The following NCOA3 variants were observed in gnomAD, a reference collection of about 807,000 sequenced individuals.
NCOA3 encodes nuclear receptor coactivator 3.
In NCOA3, 51 loss-of-function variants were observed where a neutral mutation model predicts 158.8. That is an observed-to-expected ratio of 0.32 (90% CI 0.26 to 0.41). The LOEUF is 0.41. Among genes scored for constraint, NCOA3 ranks in the 10% least tolerant of loss-of-function variants. The pLI is 1.00. For missense variants in NCOA3, 1,510 were observed against 1,746.6 expected, an observed-to-expected ratio of 0.86 and a Z score of 2.41; for synonymous variants, 537 against 592.4, an observed-to-expected ratio of 0.91 and a Z score of 1.36.
At chr20:47,533,762 A>G (rs1334715408) in intron 1 of NCOA3, among the ~76,000 whole-genome samples, 1 of 152,058 alleles carries the variant, frequency 6.6e-6, no homozygotes, top group Non-Finnish European at 1.5e-5. Flanking sequence ...CTATCTCTAC[A>G]AAAAATGCAG....
At position 47,553,914 on chromosome 20, in the gene NCOA3, A is replaced by T. The variant is rs992934194; in HGVS notation, c.-98-29269A>T. On this transcript the variant is annotated intron_variant, in intron 1 of 22. Coordinates refer to ENST00000371998, the MANE Select transcript of NCOA3 (RefSeq NM_181659.3). ...TTTATAATCCTTTGGGTATATGCCC[A>T]GTAATGGGATGGCTGGGTCAAATGG... Among the ~76,000 whole-genome samples the T allele has an allele frequency of 3.1e-3, 465 of 152,310 alleles. 1 individual carries two copies. Among genetic ancestry groups the T allele is most frequent in the Non-Finnish European group, 4.8e-3 (326 of 68,024 alleles).
intron 1 of NCOA3, among the ~76,000 whole-genome samples, chr20:47,503,066 A>T (rs2083967232): frequency 6.6e-6 from 1 of 152,188 alleles, no homozygotes; most frequent in Non-Finnish European, 1.5e-5. Context: ...GTAAAGAAAC[A>T]GGAAGGAGAG....
chr20:47,537,069 A>G (rs1369685597), intron 1 of NCOA3, among the ~76,000 whole-genome samples: 1 of 151,810 alleles, frequency 6.6e-6, no homozygotes, highest in Admixed American at 6.6e-5. Flanking sequence ...TCGGCCTCCT[A>G]AAGTGCTGGG....
At chr20:47,523,793 G>A (rs2084382778) in intron 1 of NCOA3, among the ~76,000 whole-genome samples, 1 of 152,162 alleles carries the variant, frequency 6.6e-6, no homozygotes, top group Non-Finnish European at 1.5e-5. Flanking sequence ...TATTATCCCT[G>A]CTATAAGGAT....
intron 2 of NCOA3, among the ~76,000 whole-genome samples, chr20:47,609,116 G>T: frequency 6.6e-6 from 1 of 152,194 alleles, no homozygotes; most frequent in Middle Eastern, 3.4e-3. Context: ...AAATAAAGAC[G>T]TTTTGTAGCA....
intron 4 of NCOA3, 132 bp from the exon 5 acceptor site, chr20:47,625,249 T>C (rs1256014848): frequency 3.3e-6 from 2 of 611,998 alleles, no homozygotes; most frequent in East Asian, 2.8e-5. Context: ...CATTCTCTTA[T>C]GAGGAAATGT....
intron 2 of NCOA3, among the ~76,000 whole-genome samples, chr20:47,618,830 C>T (rs1360680824): frequency 2.0e-5 from 3 of 152,206 alleles, no homozygotes; most frequent in Non-Finnish European, 4.4e-5. Context: ...TGCACATAAA[C>T]ATTGGCTTAA....
At chr20:47,579,750 T>G (rs2085423149) in intron 1 of NCOA3, among the ~76,000 whole-genome samples, 1 of 152,256 alleles carries the variant, frequency 6.6e-6, no homozygotes, top group African/African-American at 2.4e-5. Context: ...TCTATTTTTC[T>G]GTGTATGCAA....
rs2086854074 is a variant in NCOA3 at position 47,655,229 on chromosome 20, G to GA, written c.*1817dup. The GA allele has an allele frequency of 6.6e-6, 1 of 152,120 alleles. No individual in the cohort carries two copies. Among genetic ancestry groups the GA allele is most frequent in the South Asian group, 2.1e-4 (1 of 4,820 alleles). 9.4% of individuals were successfully genotyped at this position (152,120 alleles called of 1,614,324 possible). A position where few individuals can be genotyped will look rare whatever the true frequency, so the allele number is the denominator to read the frequency against. Reference sequence around the variant, plus strand: ...CTGTTTTAGTCAGTTGGGAGGAAGGGAAAAATCAAGTTTAATTCCCTTTAT... The same window carrying GA: ...CTGTTTTAGTCAGTTGGGAGGAAGGGAAAAAATCAAGTTTAATTCCCTTTAT... On this transcript the variant is annotated 3_prime_UTR_variant, in exon 23 of 23. Transcript: ENST00000371998.
chr20:47,631,049 A>G (rs768792248), intron 8 of NCOA3: 2 of 152,212 alleles, frequency 1.3e-5, no homozygotes, highest in African/African-American at 2.4e-5. Flanking sequence ...AAGATTACTG[A>G]GGATGTCCAG....
Position 47,505,211 on chromosome 20 carries a change from A to G in NCOA3, c.-99+3192A>G, listed in dbSNP as rs2084013513. On this transcript the variant is annotated intron_variant, in intron 1 of 22. Coordinates refer to ENST00000371998, the MANE Select transcript of NCOA3 (RefSeq NM_181659.3). ...CAAGTAGCTGGGATTACAGGTGCGC[A>G]CCACCACGCCCGGCTATTTTTGTAT... is the stretch of plus-strand genomic sequence containing the variant. Among the ~76,000 whole-genome samples, 3 of 150,186 alleles carry G rather than the reference A, an allele frequency of 2.0e-5. No individual in the cohort carries two copies. In the South Asian group the frequency reaches 6.4e-4, roughly 32 times the overall value.
rs545375540 is a variant in NCOA3 at position 47,653,368 on chromosome 20, A to ATTTTT, written c.4264-20_4264-16dup. The ATTTTT allele has an allele frequency of 1.5e-4, 208 of 1,389,622 alleles. 2 individuals are homozygous for ATTTTT. The highest frequency in any genetic ancestry group is 4.9e-4 in the South Asian group (36 of 74,038). 86.1% of individuals were successfully genotyped at this position (1,389,622 alleles called of 1,614,324 possible). On this transcript the variant is annotated intron_variant, in intron 22 of 22. Coordinates refer to ENST00000371998, the MANE Select transcript of NCOA3 (RefSeq NM_181659.3). ...GTTGTGCAAAGCATGTGTTTTACTC[A>ATTTTT]TTTTTTTTTTTTTTTTTTTTTTCCT... is the stretch of plus-strand genomic sequence containing the variant.
At chr20:47,514,489 G>C (rs1378949480) in intron 1 of NCOA3, among the ~76,000 whole-genome samples, 2 of 152,000 alleles carry the variant, frequency 1.3e-5, no homozygotes, top group Non-Finnish European at 2.9e-5. Context: ...CCAGGTTCAA[G>C]CGATTCTCAT....
At position 47,636,765 on chromosome 20, in the gene NCOA3, A is replaced by G. The variant is rs201307424; in HGVS notation, c.2376+3A>G. ...TTAAGACAGAGACAAGTGAAGAGGTAATTTGTTTTCTGTATATTTCAGCTC... is the reference window on the plus strand; with the variant it reads ...TTAAGACAGAGACAAGTGAAGAGGTGATTTGTTTTCTGTATATTTCAGCTC... On this transcript the variant is annotated splice_donor_region_variant and intron_variant, in intron 12 of 22. Coordinates refer to ENST00000371998, the MANE Select transcript of NCOA3 (RefSeq NM_181659.3). 6.3e-7 allele frequency: 1 copy of G among 1,598,288 alleles called. No individual in the cohort carries two copies. Among genetic ancestry groups the G allele is most frequent in the African/African-American group, 1.3e-5 (1 of 74,406 alleles).
At chr20:47,568,432 G>GT (rs1377103979) in intron 1 of NCOA3, among the ~76,000 whole-genome samples, 1 of 152,138 alleles carries the variant, frequency 6.6e-6, no homozygotes, top group Non-Finnish European at 1.5e-5. Flanking sequence ...TAGATAAAAA[G>GT]TTATGTTTAC....
chr20:47,654,136 TTATTTAAAAAGAATGGATAAATGCAATA>T lies in NCOA3; in HGVS notation c.*721_*748del, dbSNP rs1399217998. On this transcript the variant is annotated 3_prime_UTR_variant, in exon 23 of 23. Transcript: ENST00000371998. Reference sequence around the variant, plus strand: ...ATGCTAATGTGCAGCTGAGTGCACTTTATTTAAAAAGAATGGATAAATGCAATATTCTTGAGGTCTTGAGGGAATAGTG... The same window carrying T: ...ATGCTAATGTGCAGCTGAGTGCACTTTTCTTGAGGTCTTGAGGGAATAGTG... 6.5e-6 allele frequency: 1 copy of T among 152,678 alleles called. No individual in the cohort carries two copies. The highest frequency in any genetic ancestry group is 2.4e-5 in the African/African-American group (1 of 41,464). The allele number at this position is 152,678 out of a possible 1,614,324, so 9.5% of individuals were successfully genotyped here.
chr20:47,518,248 AG>A (rs2084266789), intron 1 of NCOA3, among the ~76,000 whole-genome samples: 1 of 151,772 alleles, frequency 6.6e-6, no homozygotes, highest in Non-Finnish European at 1.5e-5. Flanking sequence ...CAGGAGACTG[AG>A]GTGGGAGGAT....
intron 1 of NCOA3, among the ~76,000 whole-genome samples, chr20:47,570,935 TATATACACACAC>T (rs1217799779): frequency 1.9e-4 from 11 of 56,958 alleles, no homozygotes; most frequent in African/African-American, 7.0e-4. Flanking sequence ...AGCAGTAATA[TATATACACACAC>T]ACACACACAC....
intron 13 of NCOA3, among the ~76,000 whole-genome samples, chr20:47,638,704 T>G (rs1198716297): frequency 6.6e-6 from 1 of 152,158 alleles, no homozygotes; most frequent in Non-Finnish European, 1.5e-5. Context: ...TTTTTCAATA[T>G]TAAGTGAAGC....
Sources: gnomAD v4.1 joint callset for allele counts (sites outside exome capture counted in the v4.1 genomes callset) on GRCh38, gnomAD v4.1.1 for gene constraint, MANE v1.5 for transcripts, NCBI Gene and HGNC (gene_info 2026-07-23, HGNC 2026-07-21) for gene names.